Variants in SYNE1 observed in about 807,000 individuals in gnomAD.
SYNE1 encodes nesprin-1.
Under a neutral mutation model 1,111.0 loss-of-function variants are expected in SYNE1, and 616 were observed. The observed-to-expected ratio is 0.55, with a 90% confidence interval of 0.52 to 0.59. The LOEUF (loss-of-function observed/expected upper bound fraction) is 0.59. Among genes scored for constraint, SYNE1 ranks in the 20% least tolerant of loss-of-function variants. SYNE1 has a pLI of 0.00. For synonymous variants in SYNE1, 3,855 were observed against 3,825.8 expected, an observed-to-expected ratio of 1.01 and a Z score of -0.28; for missense variants, 10,006 against 10,417.0, an observed-to-expected ratio of 0.96 and a Z score of 1.72.
chr6:152,265,393 G>A (rs2092593160), intron 100 of SYNE1, among the ~76,000 whole-genome samples: 1 of 151,860 alleles, frequency 6.6e-6, no homozygotes, highest in African/African-American at 2.4e-5. Flanking sequence ...AATGGCGAGT[G>A]AAAAAAATGC....
intron 77 of SYNE1, among the ~76,000 whole-genome samples, chr6:152,333,348 A>G (rs2096293048): frequency 6.6e-6 from 1 of 152,224 alleles, no homozygotes. Flanking sequence ...TATAGACTTG[A>G]TAAGAAACTA....
intron 84 of SYNE1, among the ~76,000 whole-genome samples, chr6:152,320,690 A>G (rs2095850334): frequency 6.6e-6 from 1 of 152,208 alleles, no homozygotes. Context: ...AGAGTTATAG[A>G]CAGGATTATG....
intron 4 of SYNE1, among the ~76,000 whole-genome samples, chr6:152,531,069 C>T (rs1324007536): frequency 3.9e-5 from 6 of 152,032 alleles, no homozygotes; most frequent in Admixed American, 3.9e-4. Context: ...TATCACAGTG[C>T]CTGTGTTCAA....
At chr6:152,347,680 T>C (rs1590746917) in intron 72 of SYNE1, among the ~76,000 whole-genome samples, 2 of 114,080 alleles carry the variant, frequency 1.8e-5, no homozygotes, top group African/African-American at 6.4e-5. Flanking sequence ...TTTTTTGTCA[T>C]TCTTTTTTTT....
intron 7 of SYNE1, 94 bp downstream of exon 7, chr6:152,510,917 C>T: frequency 8.6e-7 from 1 of 1,157,810 alleles, no homozygotes; most frequent in Non-Finnish European, 1.3e-6. Flanking sequence ...GGATCAACCC[C>T]AAAGATATGG....
intron 119 of SYNE1, among the ~76,000 whole-genome samples, chr6:152,219,493 G>GA (rs34187904): frequency 0.64 from 85,384 of 132,540 alleles, 26,412 homozygotes; most frequent in East Asian, 0.84. Flanking sequence ...ACATAAACAA[G>GA]AAAAAAAAAA....
intron 24 of SYNE1, among the ~76,000 whole-genome samples, chr6:152,455,109 T>A (rs1273852332): frequency 6.6e-6 from 1 of 152,176 alleles, no homozygotes; most frequent in African/African-American, 2.4e-5. Flanking sequence ...CCTCGAGTTA[T>A]CTGTTTAAAA....
At chr6:152,310,992 C>G in intron 87 of SYNE1, 119 bp from the exon 88 acceptor site, 1 of 1,039,136 alleles carries the variant, frequency 9.6e-7, no homozygotes, top group Non-Finnish European at 1.4e-6. Flanking sequence ...TGTGTTTAAC[C>G]TTCACCCCCC....
chr6:152,171,230 G>A (rs2065134465), intron 130 of SYNE1, among the ~76,000 whole-genome samples: 1 of 152,230 alleles, frequency 6.6e-6, no homozygotes, highest in African/African-American at 2.4e-5. Flanking sequence ...TGGTAACCGA[G>A]GTGCTGAGAA....
At position 152,124,932 on chromosome 6, in the gene SYNE1, T is replaced by C. The variant is rs866273163; in HGVS notation, c.26154-2256A>G. ...AGCACTCTGAGCATTTATGTTGGGT[T>C]CTGTCATTTAATCCCCACAGCAGTC... On this transcript the variant is annotated intron_variant, in intron 145 of 145. Coordinates refer to ENST00000367255, the MANE Select transcript of SYNE1 (RefSeq NM_182961.4). Among the ~76,000 whole-genome samples the C allele has an allele frequency of 1.7e-4, 26 of 152,340 alleles. No homozygotes were observed. In the Middle Eastern group the frequency reaches 0.014, roughly 80 times the overall value.
rs554052536 is a variant in SYNE1, at chr6:152,548,919, G to A, written c.68-8898C>T. ...ATCTGATTCTAGGCCTTAAGAGGTC[G>A]TGAAGTTTCTGTTTTAGCTGTCTTG... On this transcript the variant is annotated intron_variant, in intron 3 of 145. Transcript: ENST00000367255. 2.6e-5 allele frequency among the ~76,000 whole-genome samples: 4 copies of A among 152,278 alleles called. No individual in the cohort carries two copies. The East Asian group carries it at 7.7e-4, about 29-fold the overall frequency.
intron 102 of SYNE1, 128 bp downstream of exon 102, chr6:152,256,506 G>A (rs775008048): frequency 3.7e-5 from 41 of 1,100,136 alleles, no homozygotes; most frequent in South Asian, 1.6e-4. Flanking sequence ...TTGTTTCAGC[G>A]CTTATCACTA....
intron 6 of SYNE1, among the ~76,000 whole-genome samples, chr6:152,518,309 G>A (rs1231902158): frequency 6.6e-6 from 1 of 151,554 alleles, no homozygotes; most frequent in Non-Finnish European, 1.5e-5. Context: ...AGTGAACCCT[G>A]GTGGGAAGCG....
At chr6:152,290,110 C>T (rs1245633102) in intron 95 of SYNE1, among the ~76,000 whole-genome samples, 1 of 152,084 alleles carries the variant, frequency 6.6e-6, no homozygotes, top group Non-Finnish European at 1.5e-5. Context: ...AACCACAGAC[C>T]TCTGTGCGCT....
intron 93 of SYNE1, 99 bp from the exon 94 acceptor site, chr6:152,294,226 C>T (rs1298375079): frequency 8.0e-7 from 1 of 1,252,086 alleles, no homozygotes; most frequent in Non-Finnish European, 1.1e-6. Flanking sequence ...GGTTTCAGAT[C>T]TACACCTTTC....
At chr6:152,302,956 A>T (rs1336751326) in intron 91 of SYNE1, among the ~76,000 whole-genome samples, 1 of 152,108 alleles carries the variant, frequency 6.6e-6, no homozygotes, top group East Asian at 1.9e-4. Flanking sequence ...TTTTAGGAGT[A>T]TGGTAATTCT....
At chr6:152,174,358 T>C (rs1269255629) in intron 130 of SYNE1, among the ~76,000 whole-genome samples, 1 of 152,178 alleles carries the variant, frequency 6.6e-6, no homozygotes, top group African/African-American at 2.4e-5. Flanking sequence ...AAATATACAT[T>C]TGTTGAAACT....
chr6:152,469,191 C>T (rs1362379804), intron 16 of SYNE1, among the ~76,000 whole-genome samples: 3 of 152,060 alleles, frequency 2.0e-5, no homozygotes, highest in South Asian at 2.1e-4. Flanking sequence ...TTTGAAATAG[C>T]CTGTTCTATA....
intron 105 of SYNE1, among the ~76,000 whole-genome samples, chr6:152,247,306 A>C (rs1195500937): frequency 6.6e-6 from 1 of 152,198 alleles, no homozygotes; most frequent in Non-Finnish European, 1.5e-5. Flanking sequence ...CATTAGTTGC[A>C]TTCCATTTAT....
Sources: gnomAD v4.1 joint callset for allele counts (sites outside exome capture counted in the v4.1 genomes callset) on GRCh38, gnomAD v4.1.1 for gene constraint, MANE v1.5 for transcripts, NCBI Gene and HGNC (gene_info 2026-07-23, HGNC 2026-07-21) for gene names.